TBC1D20: variants seen among roughly 807,000 people sequenced by gnomAD.
TBC1D20 encodes TBC1 domain family member 20.
Under a neutral mutation model 41.6 loss-of-function variants are expected in TBC1D20, and 12 were observed. The ratio of observed to expected loss-of-function variants is 0.29; its 90% confidence interval spans 0.18 to 0.47. The LOEUF is 0.47. Ranked by LOEUF, TBC1D20 falls within the 20% of genes least tolerant of loss-of-function variation. The pLI, the probability that TBC1D20 is intolerant of heterozygous loss-of-function variation, is 1.00. For missense variants in TBC1D20, 421 were observed against 517.4 expected, an observed-to-expected ratio of 0.81 and a Z score of 1.81; for synonymous variants, 205 against 204.8, an observed-to-expected ratio of 1.00 and a Z score of -0.01.
rs1445134378 is a variant in TBC1D20 at position 445,115 on chromosome 20, T to C, written c.272A>G (p.Gln91Arg). The change falls in exon 3 of 8, where the codon CAG becomes CGG. Residue 91 changes from glutamine (Q) to arginine (R), a missense_variant. Coordinates refer to ENST00000354200, the MANE Select transcript of TBC1D20 (RefSeq NM_144628.4). Reference sequence around the variant, plus strand: ...CACTTGTTGGTAGTCCTTGCTCATCTGCCGTAGGTTCTTCCCTATTGAAGG... The same window carrying C: ...CACTTGTTGGTAGTCCTTGCTCATCCGCCGTAGGTTCTTCCCTATTGAAGG... ...PPPISGKNLR[Q>R]MSKDYQQVLL... The C allele has an allele frequency of 6.3e-7, 1 of 1,598,462 alleles. No individual in the cohort carries two copies. Among genetic ancestry groups the C allele is most frequent in the African/African-American group, 1.3e-5 (1 of 74,678 alleles).
chr20:436,390 T>C lies in TBC1D20; in HGVS notation c.*2196A>G, dbSNP rs1476336162. On this transcript the variant is annotated 3_prime_UTR_variant, in exon 8 of 8. Coordinates refer to ENST00000354200, the MANE Select transcript of TBC1D20 (RefSeq NM_144628.4). ...ACCTGAAGGTAATTAGATAATGCTT[T>C]CTTCTCAATGACAGGGAGAATCCTG... 1 of 152,566 alleles carries C rather than the reference T, an allele frequency of 6.6e-6. No individual in the cohort carries two copies. Among genetic ancestry groups the C allele is most frequent in the African/African-American group, 2.4e-5 (1 of 41,446 alleles). The allele number at this position is 152,566 out of a possible 1,614,324, so 9.5% of individuals were successfully genotyped here.
rs6115992 is a variant in TBC1D20 at position 441,387 on chromosome 20, T to C, written c.626+201A>G. ...AGATGTAAACTCAAGGGATGGGCTA[T>C]GTCCCCCAAAGAGCACAGTCCCCAA... On this transcript the variant is annotated intron_variant, in intron 5 of 7. Transcript: ENST00000354200. 1.6e-3 allele frequency: 901 copies of C among 575,504 alleles called. 5 individuals carry two copies. The highest frequency in any genetic ancestry group is 0.015 in the African/African-American group (802 of 53,528). The allele number at this position is 575,504 out of a possible 1,614,324, so 35.6% of individuals were successfully genotyped here.
Position 439,230 on chromosome 20 carries a change from C to G in TBC1D20, c.834G>C (p.Leu278=), listed in dbSNP as rs2017179276. ...CDCDMASVHH[L]LSQIPQDLPY... ...GCAAGTCCTGAGGGATCTGGGACAA[C>G]AGGTGGTGGACCGAGGCCATGTCAC... The change falls in exon 7 of 8, where the codon CTG becomes CTC. Residue 278 remains leucine (L), a synonymous_variant. Coordinates refer to ENST00000354200, the MANE Select transcript of TBC1D20 (RefSeq NM_144628.4). This position sits in a 1 kb window ranked among gnomAD's most constrained non-coding sequence, Gnocchi z 4.6. 3 of 1,614,174 alleles carry G rather than the reference C, an allele frequency of 1.9e-6. 1 individual carries two copies. The highest frequency in any genetic ancestry group is 2.5e-6 in the Non-Finnish European group (3 of 1,180,016).
Position 462,477 on chromosome 20 carries a change from C to T in TBC1D20, c.-72G>A, listed in dbSNP as rs970806171. 80 of 920,334 alleles carry T rather than the reference C, an allele frequency of 8.7e-5. No homozygotes were observed. Among genetic ancestry groups the T allele is most frequent in the Non-Finnish European group, 1.1e-4 (79 of 718,220 alleles). 57.0% of individuals were successfully genotyped at this position (920,334 alleles called of 1,614,324 possible). A position where few individuals can be genotyped will look rare whatever the true frequency, so the allele number is the denominator to read the frequency against. Reference sequence around the variant, plus strand: ...CCGGGAGAAGACGCGGCTCCGACCGCGGGACGTAGCACCCGCTCGGCATCG... The same window carrying T: ...CCGGGAGAAGACGCGGCTCCGACCGTGGGACGTAGCACCCGCTCGGCATCG... On this transcript the variant is annotated 5_prime_UTR_variant, in exon 1 of 8. Transcript: ENST00000354200.
chr20:439,770 C>T lies in TBC1D20; in HGVS notation c.769-475G>A, dbSNP rs1036642813. Among the ~76,000 whole-genome samples, 1 of 152,222 alleles carries T rather than the reference C, an allele frequency of 6.6e-6. No individual in the cohort carries two copies. The highest frequency in any genetic ancestry group is 2.4e-5 in the African/African-American group (1 of 41,460). On this transcript the variant is annotated intron_variant, in intron 6 of 7. Coordinates refer to ENST00000354200, the MANE Select transcript of TBC1D20 (RefSeq NM_144628.4). This position sits in a 1 kb window ranked among gnomAD's most constrained non-coding sequence, Gnocchi z 4.6. The stretch of plus-strand genomic sequence containing the variant: ...CAAGGGACCAGTGGTCATTGAAGGA[C>T]TTCCCTGAATTCCCATCTCCACCCC...
chr20:455,838 A>G (rs1042527508), intron 1 of TBC1D20, among the ~76,000 whole-genome samples: 4 of 152,124 alleles, frequency 2.6e-5, no homozygotes, highest in African/African-American at 9.7e-5. Context: ...AGGCTGAGGC[A>G]GGAGAATCAC....
At chr20:457,779 G>A (rs1268075608) in intron 1 of TBC1D20, among the ~76,000 whole-genome samples, 3 of 152,200 alleles carry the variant, frequency 2.0e-5, no homozygotes, top group African/African-American at 7.2e-5. Context: ...AGACAGGGAG[G>A]GATTTTACTT....
intron 1 of TBC1D20, among the ~76,000 whole-genome samples, chr20:454,295 G>A (rs1157531789): frequency 6.9e-6 from 1 of 145,872 alleles, no homozygotes; most frequent in African/African-American, 2.5e-5. Flanking sequence ...AAGAAAAAAG[G>A]AAAAAAAAAA....
At chr20:442,812 T>C (rs995007821) in intron 3 of TBC1D20, among the ~76,000 whole-genome samples, 8 of 152,080 alleles carry the variant, frequency 5.3e-5, no homozygotes, top group African/African-American at 1.7e-4. Context: ...AAAAAGCAAA[T>C]GTAGGCCAGG....
chr20:459,744 G>A (rs992520920), intron 1 of TBC1D20, among the ~76,000 whole-genome samples: 2 of 152,152 alleles, frequency 1.3e-5, no homozygotes, highest in Admixed American at 6.5e-5. Flanking sequence ...TTTGTAGTCA[G>A]GGAGGGAGAT....
In TBC1D20 at chr20:439,301, G is replaced by C. The variant is rs545528587; in HGVS notation, c.769-6C>G. ...TGCTCGCGATACAACACAATCTGTG[G>C]GGAGGTAGTAAAGCCTTGCAGTCAG... is the stretch of plus-strand genomic sequence containing the variant. On this transcript the variant is annotated splice_polypyrimidine_tract_variant and splice_region_variant and intron_variant, in intron 6 of 7. Transcript: ENST00000354200. This position sits in a 1 kb window ranked among gnomAD's most constrained non-coding sequence, Gnocchi z 4.6. 6.2e-7 allele frequency: 1 copy of C among 1,600,090 alleles called. No homozygotes were observed. Among genetic ancestry groups the C allele is most frequent in the East Asian group, 2.2e-5 (1 of 44,688 alleles).
Position 448,086 on chromosome 20 carries a change from G to T in TBC1D20, c.71-12C>A. ...TTTGGCGTTAAAGTCTGAAGATAAG[G>T]ATAGGGAAGAATTAGGCGCACATTC... On this transcript the variant is annotated splice_polypyrimidine_tract_variant and intron_variant, in intron 1 of 7. Coordinates refer to ENST00000354200, the MANE Select transcript of TBC1D20 (RefSeq NM_144628.4). 1.2e-6 allele frequency: 2 copies of T among 1,603,012 alleles called. No homozygotes were observed. Among genetic ancestry groups the T allele is most frequent in the Non-Finnish European group, 1.7e-6 (2 of 1,170,400 alleles).
chr20:441,580 A>AT lies in TBC1D20; in HGVS notation c.626+7dup. 6.2e-7 allele frequency: 1 copy of AT among 1,612,632 alleles called. No homozygotes were observed. Among genetic ancestry groups the AT allele is most frequent in the South Asian group, 1.1e-5 (1 of 91,054 alleles). On this transcript the variant is annotated splice_region_variant and intron_variant, in intron 5 of 7. Transcript: ENST00000354200. ...TGCATGCACACAGAAATGCAGACAC[A>AT]TATGTACCTCTGCATGAAGTCATGG...
chr20:447,901 G>A lies in TBC1D20; in HGVS notation c.244C>T (p.Pro82Ser), dbSNP rs768178523. The change falls in exon 2 of 8, where the codon CCT becomes TCT. Residue 82 changes from proline (P) to serine (S), a missense_variant. This residue lies in a region of TBC1D20 where 150 missense variants were observed against 151.3 expected (regional missense o/e 0.99). Transcript: ENST00000354200. ...KLLNVNANDPPPISGKNLRQM... is the reference protein window; with the variant it reads ...KLLNVNANDPSPISGKNLRQM... ...CCACTCCCCTTACCTGATATAGGAG[G>A]TGGGTCATTGGCATTGACATTGAGG... 2 of 1,612,488 alleles carry A rather than the reference G, an allele frequency of 1.2e-6. No homozygotes were observed. Among genetic ancestry groups the A allele is most frequent in the Non-Finnish European group, 1.7e-6 (2 of 1,179,512 alleles).
chr20:458,593 G>A (rs954417700), intron 1 of TBC1D20, among the ~76,000 whole-genome samples: 11 of 152,054 alleles, frequency 7.2e-5, no homozygotes, highest in Admixed American at 1.3e-4. Context: ...GATTACAGGC[G>A]TTGAGCCACC....
In TBC1D20 at chr20:439,594, G is replaced by T. The variant is rs921841869; in HGVS notation, c.769-299C>A. ...TGTCCCTTTAAGTCTTGAAAGAAAT[G>T]AAGGAGATTCTTTTAGGAGAAAGTA... is the stretch of plus-strand genomic sequence containing the variant. On this transcript the variant is annotated intron_variant, in intron 6 of 7. Coordinates refer to ENST00000354200, the MANE Select transcript of TBC1D20 (RefSeq NM_144628.4). The surrounding 1 kb of genome is among the most constrained non-coding windows in gnomAD (Gnocchi z 4.6). 6.6e-6 allele frequency among the ~76,000 whole-genome samples: 1 copy of T among 152,214 alleles called. No homozygotes were observed. The highest frequency in any genetic ancestry group is 1.5e-5 in the Non-Finnish European group (1 of 68,038).
In TBC1D20 at chr20:436,206, C is replaced by CA. The variant is rs1232065118; in HGVS notation, c.*2379dup. 6.6e-6 allele frequency: 1 copy of CA among 152,232 alleles called. No homozygotes were observed. Among genetic ancestry groups the CA allele is most frequent in the Non-Finnish European group, 1.5e-5 (1 of 68,058 alleles). 9.4% of individuals were successfully genotyped at this position (152,232 alleles called of 1,614,324 possible). On this transcript the variant is annotated 3_prime_UTR_variant, in exon 8 of 8. Coordinates refer to ENST00000354200, the MANE Select transcript of TBC1D20 (RefSeq NM_144628.4). ...GACCATGGCACAGTTCTGGGCCTGA[C>CA]ATGGAAGGTGGGAGCATCCAGATCA...
chr20:441,408 C>T (rs766298844), intron 5 of TBC1D20, 180 bp downstream of exon 5: 9 of 604,892 alleles, frequency 1.5e-5, no homozygotes, highest in Middle Eastern at 4.3e-4. Flanking sequence ...GAGCACAGTC[C>T]CCAAAAATGC....
rs994995320 is a variant in TBC1D20 at position 439,536 on chromosome 20, T to C, written c.769-241A>G. On this transcript the variant is annotated intron_variant, in intron 6 of 7. Coordinates refer to ENST00000354200, the MANE Select transcript of TBC1D20 (RefSeq NM_144628.4). This position sits in a 1 kb window ranked among gnomAD's most constrained non-coding sequence, Gnocchi z 4.6. ...GACATGAAAGGCTGACCAGTTACAA[T>C]CTAAGTCCTTCGGGCATGCTGGGCT... 6.6e-6 allele frequency among the ~76,000 whole-genome samples: 1 copy of C among 152,242 alleles called. No homozygotes were observed. Among genetic ancestry groups the C allele is most frequent in the African/African-American group, 2.4e-5 (1 of 41,458 alleles).
Sources: allele counts gnomAD v4.1 joint callset (sites outside exome capture counted in the v4.1 genomes callset), GRCh38; gene constraint gnomAD v4.1.1; regional missense constraint gnomAD v4.1.1; non-coding constraint Gnocchi (gnomAD v3.1); transcripts MANE v1.5; gene names NCBI Gene and HGNC (gene_info 2026-07-23, HGNC 2026-07-21).